Variants in GALNT13 observed in about 807,000 individuals in gnomAD.
GALNT13 encodes polypeptide N-acetylgalactosaminyltransferase 13.
In GALNT13, 28 loss-of-function variants were observed where a neutral mutation model predicts 64.2. The observed-to-expected ratio is 0.44, with a 90% confidence interval of 0.32 to 0.60. The LOEUF is 0.60. GALNT13 is among the 20% of genes least tolerant of loss of function. The probability of loss-of-function intolerance (pLI) is 0.05; values close to 1 mark genes in which losing one functional copy is unlikely to be tolerated. For synonymous variants in GALNT13, 214 were observed against 224.6 expected (o/e 0.95, Z 0.42); for missense variants, 577 against 669.8 (o/e 0.86, Z 1.53).
At chr2:153,228,417 A>G in the GALNT13 span, among the ~76,000 whole-genome samples, 2 of 152,180 alleles carry the variant, frequency 1.3e-5, no homozygotes, top group Non-Finnish European at 2.9e-5. Context: ...ATATATTACA[A>G]TGATACAGAC....
the GALNT13 span, among the ~76,000 whole-genome samples, chr2:153,612,773 AT>A: frequency 1.3e-5 from 2 of 152,200 alleles, no homozygotes; most frequent in African/African-American, 2.4e-5. Context: ...ACAATCTATT[AT>A]CAAAAGAAAA....
chr2:153,562,450 T>G, the GALNT13 span, among the ~76,000 whole-genome samples: 1 of 152,298 alleles, frequency 6.6e-6, no homozygotes, highest in Admixed American at 6.5e-5. Context: ...TGTGTCTGTC[T>G]TCTTTATTAT....
At chr2:153,772,545 T>C in the GALNT13 span, among the ~76,000 whole-genome samples, 18 of 152,198 alleles carry the variant, frequency 1.2e-4, no homozygotes, top group African/African-American at 4.3e-4. Context: ...ACTATTCCAG[T>C]GAATTCTCAT....
chr2:153,871,444 C>T (rs1038000696), upstream of GALNT13, among the ~76,000 whole-genome samples: 3 of 152,182 alleles, frequency 2.0e-5, no homozygotes, highest in Non-Finnish European at 1.5e-5. Context: ...CAGCATCTCT[C>T]GGCTGGAGAG....
chr2:154,315,810 A>C (rs1234256451), intron 9 of GALNT13, among the ~76,000 whole-genome samples: 2 of 152,208 alleles, frequency 1.3e-5, no homozygotes, highest in East Asian at 3.8e-4. Context: ...ATATTTGCAC[A>C]CTGAATTAAG....
chr2:154,395,241 A>T (rs1699002168), intron 9 of GALNT13, among the ~76,000 whole-genome samples: 1 of 152,180 alleles, frequency 6.6e-6, no homozygotes, highest in African/African-American at 2.4e-5. Context: ...TTGTCGTAAA[A>T]TTTTTTATAA....
chr2:154,304,789 T>C (rs1305342324), intron 9 of GALNT13, among the ~76,000 whole-genome samples: 1 of 152,206 alleles, frequency 6.6e-6, no homozygotes, highest in Non-Finnish European at 1.5e-5. Flanking sequence ...TTTTATAAAA[T>C]GGATTTATTT....
the GALNT13 span, among the ~76,000 whole-genome samples, chr2:153,581,220 C>A: frequency 2.6e-5 from 4 of 152,144 alleles, no homozygotes; most frequent in African/African-American, 9.6e-5. Context: ...TAGACTGACA[C>A]CTGAGTTATA....
At chr2:153,751,896 G>GACTT in the GALNT13 span, among the ~76,000 whole-genome samples, 1 of 133,142 alleles carries the variant, frequency 7.5e-6, no homozygotes, top group Non-Finnish European at 1.6e-5. Context: ...GTTGACATGT[G>GACTT]ACTTTCTTTC....
chr2:153,606,072 A>T, the GALNT13 span, among the ~76,000 whole-genome samples: 1 of 152,104 alleles, frequency 6.6e-6, no homozygotes, highest in Non-Finnish European at 1.5e-5. Flanking sequence ...ATAGCAGGCA[A>T]TGACAGTGAA....
chr2:154,322,639 T>A (rs1036794996), intron 9 of GALNT13, among the ~76,000 whole-genome samples: 4 of 152,150 alleles, frequency 2.6e-5, no homozygotes, highest in African/African-American at 9.7e-5. Context: ...CCTGACTCTG[T>A]CTTCAAAACT....
At chr2:153,976,686 A>T (rs1454147308) in intron 3 of GALNT13, among the ~76,000 whole-genome samples, 2 of 152,114 alleles carry the variant, frequency 1.3e-5, no homozygotes, top group African/African-American at 4.8e-5. Flanking sequence ...TTCTCGTAGA[A>T]ATAGATTTTT....
intron 4 of GALNT13, among the ~76,000 whole-genome samples, chr2:154,209,924 A>G (rs1687673608): frequency 6.6e-6 from 1 of 152,162 alleles, no homozygotes; most frequent in Non-Finnish European, 1.5e-5. Context: ...TATAGTCACC[A>G]TGCTGTGCAA....
the GALNT13 span, among the ~76,000 whole-genome samples, chr2:153,683,596 C>T: frequency 6.1e-4 from 93 of 151,582 alleles, no homozygotes; most frequent in Admixed American, 8.6e-4. Flanking sequence ...ATATCTAAGA[C>T]GACATATTTT....
chr2:154,279,256 A>C (rs1691827657), intron 8 of GALNT13, among the ~76,000 whole-genome samples: 1 of 152,114 alleles, frequency 6.6e-6, no homozygotes, highest in African/African-American at 2.4e-5. Context: ...GCTAAACATC[A>C]AACTCACATC....
At chr2:153,729,106 G>A in the GALNT13 span, among the ~76,000 whole-genome samples, 1 of 152,094 alleles carries the variant, frequency 6.6e-6, no homozygotes, top group African/African-American at 2.4e-5. Context: ...CTCCGCAATA[G>A]AAAAAGAAGG....
At chr2:153,441,437 A>G in the GALNT13 span, among the ~76,000 whole-genome samples, 4 of 152,044 alleles carry the variant, frequency 2.6e-5, no homozygotes, top group Non-Finnish European at 5.9e-5. Flanking sequence ...ACACACTGTT[A>G]TTTGGCTCCA....
intron 3 of GALNT13, among the ~76,000 whole-genome samples, chr2:154,076,830 CTTA>C (rs2105403233): frequency 6.6e-6 from 1 of 151,686 alleles, no homozygotes; most frequent in Non-Finnish European, 1.5e-5. Context: ...CAAGGAAACA[CTTA>C]TTATAGAGGC....
intron 3 of GALNT13, among the ~76,000 whole-genome samples, chr2:154,111,166 T>C (rs61114940): frequency 0.18 from 27,735 of 152,142 alleles, 4,645 homozygotes; most frequent in East Asian, 0.74. Flanking sequence ...CTACTACCCA[T>C]TCTGTATTCT....
Sources: allele counts gnomAD v4.1 joint callset (sites outside exome capture counted in the v4.1 genomes callset), GRCh38; gene constraint gnomAD v4.1.1; transcripts MANE v1.5; gene names NCBI Gene and HGNC (gene_info 2026-07-23, HGNC 2026-07-21).